Variants in MFHAS1 observed in about 807,000 individuals in gnomAD.
The protein encoded by MFHAS1 is malignant fibrous histiocytoma-amplified sequence 1.
Under a neutral mutation model 70.4 loss-of-function variants are expected in MFHAS1, and 50 were observed. The observed-to-expected ratio is 0.71, with a 90% CI of 0.57 to 0.90. MFHAS1 has a LOEUF of 0.90. Among genes scored for constraint, MFHAS1 ranks in the 40% least tolerant of loss-of-function variants. The pLI, the probability that MFHAS1 is intolerant of heterozygous loss-of-function variation, is 0.00. For missense variants in MFHAS1, 1,795 were observed against 1,347.6 expected (o/e 1.33, Z -5.20); for synonymous variants, 952 against 620.0 (o/e 1.54, Z -7.96).
Position 8,891,216 on chromosome 8 carries a change from T to G in MFHAS1, c.1843A>C (p.Asn615His). Residue 615 changes from asparagine to histidine, a missense_variant, in exon 1 of 3, where the codon AAC (asparagine) becomes CAC (histidine). Transcript: ENST00000276282. The surrounding 1 kb of genome is among the most constrained non-coding windows in gnomAD (Gnocchi z 5.4). ...RRKAHFQYLL[N>H]HRLQILSPVL... ...GGGGAGAGGATCTGCAGCCGGTGGT[T>G]GAGCAGGTATTGAAAATGGGCCTTG... is the stretch of plus-strand genomic sequence containing the variant. 1 of 1,612,582 alleles carries G rather than the reference T, an allele frequency of 6.2e-7. No individual in the cohort carries two copies. Among genetic ancestry groups the G allele is most frequent in the Non-Finnish European group, 8.5e-7 (1 of 1,180,006 alleles).
intron 1 of MFHAS1, among the ~76,000 whole-genome samples, chr8:8,806,076 C>T (rs553262876): frequency 3.9e-5 from 6 of 152,318 alleles, no homozygotes; most frequent in South Asian, 4.1e-4. Context: ...TTGTTCCCTA[C>T]GTCTTCCTCA....
Position 8,812,444 on chromosome 8 carries a change from G to A in MFHAS1, c.2999-14953C>T, listed in dbSNP as rs535178231. ...TTCTCTCCTCTGGGTCGGCTATCTA[G>A]GCCACCCTCCTGGCACCACAGCCTG... On this transcript the variant is annotated intron_variant, in intron 1 of 2. Transcript: ENST00000276282. Among the ~76,000 whole-genome samples, 565 of 152,238 alleles carry A rather than the reference G, an allele frequency of 3.7e-3. 3 individuals are homozygous for A. Among genetic ancestry groups the A allele is most frequent in the African/African-American group, 0.013 (542 of 41,526 alleles).
At chr8:8,786,412 A>AAC (rs1462098839) in intron 2 of MFHAS1, among the ~76,000 whole-genome samples, 4 of 152,184 alleles carry the variant, frequency 2.6e-5, no homozygotes, top group African/African-American at 7.2e-5. Context: ...CCTTTCAATA[A>AAC]ACACACACGG....
rs1809926952 is a variant in MFHAS1, at chr8:8,890,073, G to A, written c.2986C>T (p.His996Tyr). 4 of 1,596,484 alleles carry A rather than the reference G, an allele frequency of 2.5e-6. No individual in the cohort carries two copies. Among genetic ancestry groups the A allele is most frequent in the African/African-American group, 1.3e-5 (1 of 74,558 alleles). Residue 996 changes from histidine to tyrosine, a missense_variant, in exon 1 of 3, where the codon CAT (histidine) becomes TAT (tyrosine). By Grantham distance (83) the His-to-Tyr change is moderately conservative. Transcript: ENST00000276282. ...KCLKRGSPNPHAFPGELLSQP... is the reference protein window; with the variant it reads ...KCLKRGSPNPYAFPGELLSQP... ...TCTCTCCACTTACCTGGAAAAGCAT[G>A]TGGATTGGGCGATCCTCTCTTAAGG...
chr8:8,783,841 T>C lies in MFHAS1; in HGVS notation c.*2181A>G, dbSNP rs758164637. 1 of 152,192 alleles carries C rather than the reference T, an allele frequency of 6.6e-6. No individual in the cohort carries two copies. The highest frequency in any genetic ancestry group is 1.5e-5 in the Non-Finnish European group (1 of 68,042). The allele number at this position is 152,192 out of a possible 1,614,324, so 9.4% of individuals were successfully genotyped here. On this transcript the variant is annotated 3_prime_UTR_variant, in exon 3 of 3. Transcript: ENST00000276282. ...GTCCTGTAGAGCAGAGTGATTTTTG[T>C]ATCTCCAACCCTCCTCCCAACTTGA...
chr8:8,851,125 G>A (rs960057856), intron 1 of MFHAS1, among the ~76,000 whole-genome samples: 1 of 152,172 alleles, frequency 6.6e-6, no homozygotes, highest in African/African-American at 2.4e-5. Context: ...AATTACAGAA[G>A]ATGAAAAATA....
chr8:8,888,868 C>A (rs1439429503), intron 1 of MFHAS1, among the ~76,000 whole-genome samples: 1 of 152,110 alleles, frequency 6.6e-6, no homozygotes, highest in Non-Finnish European at 1.5e-5. Context: ...ACTGATGTGT[C>A]ACTGCAGGTT....
At chr8:8,889,648 A>C (rs1809910838) in intron 1 of MFHAS1, among the ~76,000 whole-genome samples, 1 of 152,214 alleles carries the variant, frequency 6.6e-6, no homozygotes, top group African/African-American at 2.4e-5. Flanking sequence ...GGACACTTGA[A>C]ACTCAAACTC....
At chr8:8,819,078 C>T (rs538600296) in intron 1 of MFHAS1, among the ~76,000 whole-genome samples, 1 of 151,926 alleles carries the variant, frequency 6.6e-6, no homozygotes, top group South Asian at 2.1e-4. Context: ...TAAATAAAGT[C>T]GGCTTATATA....
At chr8:8,889,520 C>A (rs777166216) in intron 1 of MFHAS1, among the ~76,000 whole-genome samples, 2 of 152,224 alleles carry the variant, frequency 1.3e-5, no homozygotes, top group Admixed American at 6.5e-5. Context: ...ATGGATACCG[C>A]ATTTTACAAT....
chr8:8,855,618 G>A (rs1467842172), intron 1 of MFHAS1, among the ~76,000 whole-genome samples: 1 of 152,140 alleles, frequency 6.6e-6, no homozygotes, highest in Non-Finnish European at 1.5e-5. Context: ...CGCTTTGGTA[G>A]GCCGAGGCGG....
In MFHAS1 at chr8:8,891,142, C is replaced by CCGAAGG; in HGVS notation, c.1911_1916dup (p.Leu638_Arg639dup). ...GCTCAGCAACTGACAGCAACTTGTCCCGAAGGCGTCGTAAGTGGCGCGGGT... is the reference window on the plus strand; with the variant it reads ...GCTCAGCAACTGACAGCAACTTGTCCCGAAGGCGAAGGCGTCGTAAGTGGCGCGGGT... On this transcript the variant is annotated inframe_insertion, in exon 1 of 3. Transcript: ENST00000276282. This position sits in a 1 kb window ranked among gnomAD's most constrained non-coding sequence, Gnocchi z 5.4. 1.2e-6 allele frequency: 2 copies of CCGAAGG among 1,613,728 alleles called. No individual in the cohort carries two copies. The highest frequency in any genetic ancestry group is 1.7e-6 in the Non-Finnish European group (2 of 1,180,030).
At chr8:8,886,959 T>A (rs1229857648) in intron 1 of MFHAS1, among the ~76,000 whole-genome samples, 4 of 152,110 alleles carry the variant, frequency 2.6e-5, no homozygotes, top group Admixed American at 2.6e-4. Flanking sequence ...AACCCCCGCC[T>A]CTACTAAAAA....
chr8:8,887,616 C>A (rs1215487721), intron 1 of MFHAS1, among the ~76,000 whole-genome samples: 1 of 150,408 alleles, frequency 6.6e-6, no homozygotes, highest in Admixed American at 6.6e-5. Flanking sequence ...GCTCTAAAAA[C>A]AACTGATGAT....
chr8:8,891,455 A>G lies in MFHAS1; in HGVS notation c.1604T>C (p.Val535Ala). 1.2e-6 allele frequency: 2 copies of G among 1,613,008 alleles called. No homozygotes were observed. The highest frequency in any genetic ancestry group is 2.7e-5 in the African/African-American group (2 of 75,056). The change falls in exon 1 of 3, where the codon GTG (valine) becomes GCG (alanine). Residue 535 changes from valine (V) to alanine (A), a missense_variant. Physicochemically the swap from Val to Ala is moderately conservative, Grantham distance 64. Coordinates refer to ENST00000276282, the MANE Select transcript of MFHAS1 (RefSeq NM_004225.3). The surrounding 1 kb of genome is among the most constrained non-coding windows in gnomAD (Gnocchi z 5.4). Reference sequence around the variant, plus strand: ...TCCGCACAGGTCTGCGTGGGTGCCCACGATGCACACCACCGCGTGGGGCAC... The same window carrying G: ...TCCGCACAGGTCTGCGTGGGTGCCCGCGATGCACACCACCGCGTGGGGCAC... ...ARVPHAVVCI[V>A]GTHADLCGER...
At chr8:8,788,421 G>C (rs1188107241) in intron 2 of MFHAS1, among the ~76,000 whole-genome samples, 1 of 152,234 alleles carries the variant, frequency 6.6e-6, no homozygotes, top group African/African-American at 2.4e-5. Context: ...GCTCATGCCT[G>C]TAATCCCACT....
At chr8:8,872,269 T>C (rs910450991) in intron 1 of MFHAS1, among the ~76,000 whole-genome samples, 3 of 152,194 alleles carry the variant, frequency 2.0e-5, no homozygotes, top group Non-Finnish European at 4.4e-5. Flanking sequence ...ACCGTTCTAA[T>C]TCCTGATTCT....
chr8:8,815,830 T>C (rs540668371), intron 1 of MFHAS1, among the ~76,000 whole-genome samples: 2 of 152,286 alleles, frequency 1.3e-5, no homozygotes, highest in Admixed American at 1.3e-4. Context: ...ACAAAGCATA[T>C]ATCCATACAA....
chr8:8,844,715 A>C (rs535508719), intron 1 of MFHAS1, among the ~76,000 whole-genome samples: 22 of 152,258 alleles, frequency 1.4e-4, no homozygotes, highest in African/African-American at 5.3e-4. Context: ...TCAAAGCTTA[A>C]ATTATAATTG....
Sources: gnomAD v4.1 joint callset for allele counts (sites outside exome capture counted in the v4.1 genomes callset) on GRCh38, gnomAD v4.1.1 for gene constraint, Gnocchi (gnomAD v3.1) non-coding constraint, MANE v1.5 for transcripts, NCBI Gene and HGNC (gene_info 2026-07-23, HGNC 2026-07-21) for gene names.